SCAF4: variants seen among roughly 807,000 people sequenced by gnomAD.
SCAF4 encodes SR-related and CTD-associated factor 4.
In SCAF4, 25 loss-of-function variants were observed where a neutral mutation model predicts 129.8. That is an observed-to-expected ratio of 0.19 (90% CI 0.14 to 0.27). The LOEUF is 0.27. SCAF4 is among the 10% of genes least tolerant of loss of function. The pLI is 1.00. For missense variants in SCAF4, 1,246 were observed against 1,457.1 expected, an observed-to-expected ratio of 0.86 and a Z score of 2.36; for synonymous variants, 551 against 497.7, an observed-to-expected ratio of 1.11 and a Z score of -1.43.
intron 1 of SCAF4, chr21:31,712,829 C>A: frequency 1.1e-6 from 1 of 930,116 alleles, no homozygotes; most frequent in Non-Finnish European, 1.3e-6. Context: ...TGTGCCTGGC[C>A]TGATTCTCCC....
At chr21:31,681,169 A>C (rs536466898) in intron 19 of SCAF4, among the ~76,000 whole-genome samples, 1 of 152,210 alleles carries the variant, frequency 6.6e-6, no homozygotes, top group African/African-American at 2.4e-5. Context: ...CTTATTTATA[A>C]ATTTTACCAT....
chr21:31,702,107 A>G, intron 5 of SCAF4, 137 bp downstream of exon 5: 2 of 1,354,682 alleles, frequency 1.5e-6, no homozygotes, highest in Middle Eastern at 1.8e-4. Flanking sequence ...GAATTATGGA[A>G]AGAAAATCAT....
chr21:31,723,629 TGCGCGCGCGC>T (rs60041981), intron 1 of SCAF4, among the ~76,000 whole-genome samples: 36 of 149,074 alleles, frequency 2.4e-4, no homozygotes, highest in Non-Finnish European at 3.6e-4. Context: ...TGTGTGTGTG[TGCGCGCGCGC>T]GCGCGCGCAC....
At chr21:31,702,450 AAAG>A in intron 4 of SCAF4, 71 bp from the exon 5 acceptor site, 4 of 1,361,734 alleles carry the variant, frequency 2.9e-6, no homozygotes, top group South Asian at 1.3e-5. Context: ...CTTACAAAAA[AAAG>A]AGAGGAAAAC....
At chr21:31,706,104 C>T (rs894843650) in intron 2 of SCAF4, among the ~76,000 whole-genome samples, 170 bp downstream of exon 2, 4 of 152,194 alleles carry the variant, frequency 2.6e-5, no homozygotes, top group Non-Finnish European at 5.9e-5. Flanking sequence ...TGCTTTGAAA[C>T]AATATGTTAC....
At chr21:31,701,652 T>C in intron 6 of SCAF4, 124 bp downstream of exon 6, 1 of 1,037,922 alleles carries the variant, frequency 9.6e-7, no homozygotes, top group Non-Finnish European at 1.3e-6. Flanking sequence ...TTGTGAAGGC[T>C]TTTCTAGTTG....
intron 19 of SCAF4, among the ~76,000 whole-genome samples, chr21:31,678,531 C>T (rs1351333200): frequency 1.3e-5 from 2 of 152,152 alleles, no homozygotes; most frequent in East Asian, 3.9e-4. Context: ...AAAAACTGCA[C>T]ATCAGATCAT....
At chr21:31,679,548 C>T (rs551634736) in intron 19 of SCAF4, among the ~76,000 whole-genome samples, 1 of 152,008 alleles carries the variant, frequency 6.6e-6, no homozygotes, top group Non-Finnish European at 1.5e-5. Context: ...AGCCAATTTT[C>T]AAAGAATGAG....
At chr21:31,701,719 G>C (rs548114910) in intron 6 of SCAF4, 57 bp downstream of exon 6, 7 of 1,511,158 alleles carry the variant, frequency 4.6e-6, no homozygotes, top group Non-Finnish European at 6.2e-6. Context: ...TAGAAAACAA[G>C]AAGTGACAAC....
chr21:31,683,374 T>A (rs995005785), intron 19 of SCAF4, among the ~76,000 whole-genome samples: 6 of 152,226 alleles, frequency 3.9e-5, no homozygotes, highest in African/African-American at 1.2e-4. Flanking sequence ...ACATGTTGGA[T>A]GCAGAGGTTA....
intron 1 of SCAF4, among the ~76,000 whole-genome samples, chr21:31,729,099 A>G (rs376710803): frequency 6.6e-6 from 1 of 152,218 alleles, no homozygotes; most frequent in African/African-American, 2.4e-5. Context: ...ACTACGAACG[A>G]AACAGTTTTG....
At chr21:31,717,494 T>G (rs2050946666) in intron 1 of SCAF4, among the ~76,000 whole-genome samples, 1 of 152,174 alleles carries the variant, frequency 6.6e-6, no homozygotes, top group African/African-American at 2.4e-5. Flanking sequence ...GATTTAAAAA[T>G]GAACTTTAAT....
intron 7 of SCAF4, among the ~76,000 whole-genome samples, chr21:31,698,861 G>C (rs1016555754): frequency 2.6e-5 from 4 of 152,160 alleles, no homozygotes; most frequent in Non-Finnish European, 5.9e-5. Flanking sequence ...AAATTTGCTA[G>C]TCCCTACAAC....
At chr21:31,708,547 C>G (rs761303356) in intron 1 of SCAF4, among the ~76,000 whole-genome samples, 1 of 152,062 alleles carries the variant, frequency 6.6e-6, no homozygotes, top group African/African-American at 2.4e-5. Flanking sequence ...AAGGTATATT[C>G]TGTTATAAAA....
intron 19 of SCAF4, among the ~76,000 whole-genome samples, chr21:31,680,359 T>C (rs1208520397): frequency 2.0e-5 from 3 of 152,230 alleles, no homozygotes; most frequent in African/African-American, 7.2e-5. Context: ...TTTTGCATTA[T>C]CCACTGTATC....
intron 19 of SCAF4, among the ~76,000 whole-genome samples, chr21:31,674,833 G>C (rs976919672): frequency 2.0e-5 from 3 of 152,164 alleles, no homozygotes; most frequent in African/African-American, 7.2e-5. Flanking sequence ...TTAAATATCT[G>C]AATTTTCTAT....
chr21:31,731,423 G>A (rs2051354726), intron 1 of SCAF4, among the ~76,000 whole-genome samples: 1 of 152,214 alleles, frequency 6.6e-6, no homozygotes, highest in Non-Finnish European at 1.5e-5. Flanking sequence ...GGGGGCGAGG[G>A]GAGAAGCCCG....
In SCAF4 at chr21:31,671,761, G is replaced by C; in HGVS notation, c.3082C>G (p.Arg1028Gly). The C allele has an allele frequency of 6.2e-7, 1 of 1,613,858 alleles. No individual in the cohort carries two copies. The highest frequency in any genetic ancestry group is 2.2e-5 in the East Asian group (1 of 44,894). ...CTCCTTCCCCACTCTCTCCTGTCAC[G>C]GTTACTATTATCTCTATCATCATTA... ...NRNDDRDNSNRDRREWGRRSP... is the reference protein window; with the variant it reads ...NRNDDRDNSNGDRREWGRRSP... Residue 1028 changes from arginine (R) to glycine (G), a missense_variant, in exon 20 of 20, where the codon CGT becomes GGT. Coordinates refer to ENST00000286835, the MANE Select transcript of SCAF4 (RefSeq NM_020706.2).
intron 19 of SCAF4, among the ~76,000 whole-genome samples, chr21:31,681,428 T>A (rs1601185898): frequency 1.3e-5 from 2 of 152,228 alleles, no homozygotes; most frequent in African/African-American, 4.8e-5. Flanking sequence ...ACATTTACAA[T>A]GAACTTTTTA....
Sources: allele counts gnomAD v4.1 joint callset (sites outside exome capture counted in the v4.1 genomes callset), GRCh38; gene constraint gnomAD v4.1.1; transcripts MANE v1.5; gene names NCBI Gene and HGNC (gene_info 2026-07-23, HGNC 2026-07-21).